Variants in SKP1 observed in about 807,000 individuals in gnomAD.
SKP1 encodes S-phase kinase-associated protein 1.
A neutral mutation model predicts 21.5 loss-of-function variants in SKP1; 1 was observed. The ratio of observed to expected loss-of-function variants is 0.05; its 90% CI spans 0.02 to 0.22. SKP1 has a LOEUF of 0.22. SKP1 is among the 10% of genes least tolerant of loss of function. The pLI, the probability that SKP1 is intolerant of heterozygous loss-of-function variation, is 1.00. For synonymous variants in SKP1, 59 were observed against 59.3 expected (o/e 0.99, Z 0.03); for missense variants, 70 against 192.0 (o/e 0.36, Z 3.76).
rs1446804555 is a variant in SKP1, at chr5:134,151,842, T to C, written c.*5891A>G. 5.8e-6 allele frequency: 2 copies of C among 344,404 alleles called. No homozygotes were observed. Among genetic ancestry groups the C allele is most frequent in the Non-Finnish European group, 6.0e-6 (1 of 166,576 alleles). The allele number at this position is 344,404 out of a possible 1,614,324, so 21.3% of individuals were successfully genotyped here. A position where few individuals can be genotyped will look rare whatever the true frequency, so the allele number is the denominator to read the frequency against. ...TATCAATGAATTAGCCATCTATCACTCAAACTATGTCCCGCATTGGAAGTG... is the reference window on the plus strand; with the variant it reads ...TATCAATGAATTAGCCATCTATCACCCAAACTATGTCCCGCATTGGAAGTG... On this transcript the variant is annotated 3_prime_UTR_variant, in exon 6 of 6. Coordinates refer to ENST00000353411, the MANE Select transcript of SKP1 (RefSeq NM_170679.3).
chr5:134,173,361 C>T (rs554072965), intron 2 of SKP1: 1 of 177,566 alleles, frequency 5.6e-6, no homozygotes, highest in South Asian at 1.2e-4. Flanking sequence ...TGTGGTGGCA[C>T]GTGCCTGTAG....
intron 4 of SKP1, among the ~76,000 whole-genome samples, 198 bp from the exon 5 acceptor site, chr5:134,158,793 A>C (rs962615544): frequency 6.6e-6 from 1 of 152,156 alleles, no homozygotes; most frequent in Non-Finnish European, 1.5e-5. Flanking sequence ...ATAATGTTGA[A>C]TCCTTCTGCT....
Position 134,156,327 on chromosome 5 carries a change from C to G in SKP1, c.*1406G>C, listed in dbSNP as rs1198748507. On this transcript the variant is annotated 3_prime_UTR_variant, in exon 6 of 6. Coordinates refer to ENST00000353411, the MANE Select transcript of SKP1 (RefSeq NM_170679.3). ...TTAGCTCAAAGACTACAAAAACAGGCTATGGGCCTGATTTGACCCACACAT... is the reference window on the plus strand; with the variant it reads ...TTAGCTCAAAGACTACAAAAACAGGGTATGGGCCTGATTTGACCCACACAT... 2.0e-5 allele frequency: 3 copies of G among 152,084 alleles called. No homozygotes were observed. 9.4% of individuals were successfully genotyped at this position (152,084 alleles called of 1,614,324 possible).
chr5:134,167,258 A>T lies in SKP1; in HGVS notation c.98-15T>A. 2 of 1,541,854 alleles carry T rather than the reference A, an allele frequency of 1.3e-6. No homozygotes were observed. Among genetic ancestry groups the T allele is most frequent in the Non-Finnish European group, 1.8e-6 (2 of 1,115,238 alleles). On this transcript the variant is annotated splice_polypyrimidine_tract_variant and intron_variant, in intron 2 of 5. Coordinates refer to ENST00000353411, the MANE Select transcript of SKP1 (RefSeq NM_170679.3). ...CATTCCCAAATCTAAGAAAACCAGA[A>T]GAAAGTTTCTATTTCCTAATTCCAT... is the stretch of plus-strand genomic sequence containing the variant.
intron 3 of SKP1, among the ~76,000 whole-genome samples, chr5:134,165,914 C>G (rs1464548729): frequency 6.6e-6 from 1 of 150,940 alleles, no homozygotes; most frequent in Non-Finnish European, 1.5e-5. Flanking sequence ...TTCAGGTTAG[C>G]CAGGCATGGT....
intron 3 of SKP1, among the ~76,000 whole-genome samples, chr5:134,165,174 C>T (rs1389282126): frequency 2.6e-5 from 4 of 151,974 alleles, no homozygotes; most frequent in African/African-American, 9.7e-5. Context: ...AGCTGCACAA[C>T]ACTGTGAATG....
At chr5:134,165,968 A>AT (rs1388537769) in intron 3 of SKP1, among the ~76,000 whole-genome samples, 15 of 151,958 alleles carry the variant, frequency 9.9e-5, no homozygotes, top group Non-Finnish European at 2.2e-4. Flanking sequence ...CAAGGCAGGG[A>AT]GATCGTCTGA....
At position 134,158,442 on chromosome 5, in the gene SKP1, G is replaced by T; in HGVS notation, c.456+13C>A. 1.2e-6 allele frequency: 2 copies of T among 1,613,944 alleles called. No individual in the cohort carries two copies. The highest frequency in any genetic ancestry group is 8.5e-7 in the Non-Finnish European group (1 of 1,179,930). On this transcript the variant is annotated intron_variant, in intron 5 of 5. Transcript: ENST00000353411. ...AGAGCATGTGATCAAAGACAAAACTGTGTGCTACCTACCTGGGCTTCCTCC... is the reference window on the plus strand; with the variant it reads ...AGAGCATGTGATCAAAGACAAAACTTTGTGCTACCTACCTGGGCTTCCTCC...
chr5:134,167,328 C>T, intron 2 of SKP1, 85 bp from the exon 3 acceptor site: 1 of 850,374 alleles, frequency 1.2e-6, no homozygotes. Flanking sequence ...ACATAAGAGT[C>T]AGCCCCCATA....
At chr5:134,164,915 C>T (rs1761298078) in intron 3 of SKP1, among the ~76,000 whole-genome samples, 1 of 152,046 alleles carries the variant, frequency 6.6e-6, no homozygotes, top group South Asian at 2.1e-4. Flanking sequence ...AAACATTATG[C>T]TAAGTGAAAT....
intron 2 of SKP1, among the ~76,000 whole-genome samples, chr5:134,167,860 A>T (rs1194187858): frequency 6.6e-6 from 1 of 152,194 alleles, no homozygotes; most frequent in East Asian, 1.9e-4. Context: ...AGTGATGTGC[A>T]TATGTTATAT....
At chr5:134,164,288 C>T (rs189236353) in intron 3 of SKP1, among the ~76,000 whole-genome samples, 1 of 142,392 alleles carries the variant, frequency 7.0e-6, no homozygotes, top group East Asian at 2.1e-4. Context: ...CACTGTACTC[C>T]AGCCTGGGCA....
In SKP1 at chr5:134,157,575, GCTCAAACTAC is replaced by G. The variant is rs1761142015; in HGVS notation, c.*148_*157del. 1 of 686,308 alleles carries G rather than the reference GCTCAAACTAC, an allele frequency of 1.5e-6. No individual in the cohort carries two copies. Among genetic ancestry groups the G allele is most frequent in the Admixed American group, 2.3e-5 (1 of 44,134 alleles). 42.5% of individuals were successfully genotyped at this position (686,308 alleles called of 1,614,324 possible). Reference sequence around the variant, plus strand: ...CTTGGCCGTAAGGTTTGGGATCTGTGCTCAAACTACACATGCAATGAGGACAATATTCTGC... The same window carrying G: ...CTTGGCCGTAAGGTTTGGGATCTGTGACATGCAATGAGGACAATATTCTGC... On this transcript the variant is annotated 3_prime_UTR_variant, in exon 6 of 6. Coordinates refer to ENST00000353411, the MANE Select transcript of SKP1 (RefSeq NM_170679.3).
intron 2 of SKP1, among the ~76,000 whole-genome samples, chr5:134,171,752 A>G (rs993211934): frequency 2.6e-5 from 4 of 152,230 alleles, no homozygotes; most frequent in Non-Finnish European, 4.4e-5. Flanking sequence ...CTAGATTTGA[A>G]ATATCACCTC....
At chr5:134,160,167 C>A (rs1761194006) in intron 4 of SKP1, among the ~76,000 whole-genome samples, 1 of 151,748 alleles carries the variant, frequency 6.6e-6, no homozygotes, top group Non-Finnish European at 1.5e-5. Flanking sequence ...ACCATCCTGG[C>A]CAACATGGTG....
intron 2 of SKP1, among the ~76,000 whole-genome samples, chr5:134,168,525 G>C (rs560348000): frequency 5.7e-4 from 86 of 152,120 alleles, no homozygotes; most frequent in Middle Eastern, 6.8e-3. Context: ...TTTCCAACAG[G>C]ATATATGAGG....
At chr5:134,176,279 G>C (rs1033304303) in intron 1 of SKP1, among the ~76,000 whole-genome samples, 7 of 152,202 alleles carry the variant, frequency 4.6e-5, no homozygotes, top group Non-Finnish European at 7.3e-5. Context: ...TGTGCAGAAA[G>C]CCGGCGCCCG....
intron 2 of SKP1, among the ~76,000 whole-genome samples, chr5:134,170,621 A>G (rs2149376714): frequency 6.6e-6 from 1 of 152,358 alleles, no homozygotes; most frequent in South Asian, 2.1e-4. Context: ...AAAAGACTCC[A>G]GCCCTCAAGA....
intron 3 of SKP1, among the ~76,000 whole-genome samples, chr5:134,162,458 T>G (rs1031415145): frequency 4.6e-5 from 7 of 152,134 alleles, no homozygotes; most frequent in Non-Finnish European, 7.4e-5. Context: ...CAGGCTGGAG[T>G]GCAATGGCGC....
Sources: gnomAD v4.1 joint callset for allele counts (sites outside exome capture counted in the v4.1 genomes callset) on GRCh38, gnomAD v4.1.1 for gene constraint, MANE v1.5 for transcripts, NCBI Gene and HGNC (gene_info 2026-07-23, HGNC 2026-07-21) for gene names.